DSCAM: variants seen among roughly 807,000 people sequenced by gnomAD.
DSCAM encodes DS cell adhesion molecule, also known as cell adhesion molecule DSCAM.
In DSCAM, 47 loss-of-function variants were observed where a neutral mutation model predicts 217.7. That is an observed-to-expected ratio of 0.22 (90% CI 0.17 to 0.28). DSCAM has a LOEUF of 0.28. Among genes scored for constraint, DSCAM ranks in the 10% least tolerant of loss-of-function variants. The pLI, the probability that DSCAM is intolerant of heterozygous loss-of-function variation, is 1.00. For synonymous variants in DSCAM, 1,056 were observed against 1,015.3 expected (o/e 1.04, Z -0.76); for missense variants, 2,080 against 2,618.3 (o/e 0.79, Z 4.49).
At chr21:40,631,517 C>A (rs926694895) in intron 3 of DSCAM, among the ~76,000 whole-genome samples, 2 of 152,186 alleles carry the variant, frequency 1.3e-5, no homozygotes, top group African/African-American at 4.8e-5. Flanking sequence ...ACTCAGAGCA[C>A]CCCTGCAACC....
intron 3 of DSCAM, among the ~76,000 whole-genome samples, chr21:40,548,792 T>C (rs1009930235): frequency 5.3e-5 from 8 of 152,218 alleles, no homozygotes; most frequent in African/African-American, 1.7e-4. Context: ...GGATATATAA[T>C]TGTCCGTTAG....
At position 40,133,977 on chromosome 21, in the gene DSCAM, G is replaced by T. The variant is rs779641098; in HGVS notation, c.3439C>A (p.Gln1147Lys). The change falls in exon 19 of 33, where the codon CAG becomes AAG. Residue 1147 changes from glutamine to lysine, a missense_variant. Physicochemically the swap from Gln to Lys is moderately conservative, Grantham distance 53. Coordinates refer to ENST00000400454, the MANE Select transcript of DSCAM (RefSeq NM_001389.5). ...LGEIKNITTT[Q>K]PSLELDGLEK... Reference sequence around the variant, plus strand: ...AGCCCGTCCAGCTCCAGTGAAGGCTGTGTGGTGGTGATGTTTTTAATCTCA... The same window carrying T: ...AGCCCGTCCAGCTCCAGTGAAGGCTTTGTGGTGGTGATGTTTTTAATCTCA... 2 of 1,612,486 alleles carry T rather than the reference G, an allele frequency of 1.2e-6. No homozygotes were observed. Among genetic ancestry groups the T allele is most frequent in the Non-Finnish European group, 1.7e-6 (2 of 1,179,410 alleles).
chr21:40,692,741 T>A, intron 3 of DSCAM, 69 bp downstream of exon 3: 1 of 1,540,164 alleles, frequency 6.5e-7, no homozygotes. Flanking sequence ...GGAGACCCGA[T>A]TCCATCTCTG....
chr21:40,757,506 CTTGCTTTAGTCACAG>C (rs1172552658), intron 1 of DSCAM, among the ~76,000 whole-genome samples: 2 of 152,186 alleles, frequency 1.3e-5, no homozygotes, highest in African/African-American at 4.8e-5. Flanking sequence ...GGCCATGCAA[CTTGCTTTAGTCACAG>C]GAATATTGCC....
At chr21:40,167,835 C>A (rs773515603) in intron 15 of DSCAM, among the ~76,000 whole-genome samples, 5 of 152,074 alleles carry the variant, frequency 3.3e-5, no homozygotes, top group African/African-American at 1.2e-4. Flanking sequence ...GGGAGGCCGA[C>A]GCGGGCAATC....
At position 40,420,573 on chromosome 21, in the gene DSCAM, A is replaced by C. The variant is rs140098030; in HGVS notation, c.509-51328T>G. ...TATGGGTTGAATTCTGTTTCCCCAA[A>C]ATTTGTATGTTCATGTCCTACCACC... On this transcript the variant is annotated intron_variant, in intron 3 of 32. Transcript: ENST00000400454. Among the ~76,000 whole-genome samples, 712 of 152,256 alleles carry C rather than the reference A, an allele frequency of 4.7e-3. 4 individuals carry two copies. Among genetic ancestry groups the C allele is most frequent in the African/African-American group, 0.016 (670 of 41,544 alleles).
chr21:40,180,815 G>A (rs1035310569), intron 14 of DSCAM, among the ~76,000 whole-genome samples: 1 of 151,960 alleles, frequency 6.6e-6, no homozygotes, highest in Admixed American at 6.6e-5. Context: ...GAGTGTCCAT[G>A]ACTGCAGTCC....
At chr21:40,044,005 A>G (rs1261097060) in intron 31 of DSCAM, 73 bp downstream of exon 31, 1 of 1,509,994 alleles carries the variant, frequency 6.6e-7, no homozygotes, top group Non-Finnish European at 9.1e-7. Flanking sequence ...CCCCTCCCCA[A>G]GGAGCCCATG....
chr21:40,255,711 C>A (rs1481858810), intron 11 of DSCAM, among the ~76,000 whole-genome samples: 2 of 152,206 alleles, frequency 1.3e-5, no homozygotes, highest in African/African-American at 2.4e-5. Context: ...GAAGGACTCA[C>A]CCCACACTTG....
intron 3 of DSCAM, among the ~76,000 whole-genome samples, chr21:40,444,703 A>G (rs1024736902): frequency 2.0e-5 from 3 of 152,250 alleles, no homozygotes; most frequent in Admixed American, 2.0e-4. Context: ...AGATGAGAAC[A>G]CTGAGGCCCA....
chr21:40,782,731 A>T (rs926868375), intron 1 of DSCAM, among the ~76,000 whole-genome samples: 1 of 151,654 alleles, frequency 6.6e-6, no homozygotes, highest in Non-Finnish European at 1.5e-5. Context: ...CCCTGTCTAA[A>T]AAATAAATAA....
chr21:40,129,380 C>A (rs1275303032), intron 19 of DSCAM, among the ~76,000 whole-genome samples: 1 of 152,184 alleles, frequency 6.6e-6, no homozygotes, highest in African/African-American at 2.4e-5. Flanking sequence ...AGTGTTCATT[C>A]TTTAAATGTT....
chr21:40,756,852 GCCATACAGT>G (rs982552793), intron 1 of DSCAM, among the ~76,000 whole-genome samples: 1 of 151,996 alleles, frequency 6.6e-6, no homozygotes, highest in Non-Finnish European at 1.5e-5. Flanking sequence ...TTGGTCAAAG[GCCATACAGT>G]TTGCACATCT....
chr21:40,379,981 G>T (rs2075003862), intron 3 of DSCAM, among the ~76,000 whole-genome samples: 3 of 152,096 alleles, frequency 2.0e-5, no homozygotes, highest in Admixed American at 6.5e-5. Flanking sequence ...CCATCACATG[G>T]GGCATGAGGA....
rs61375278 is a variant in DSCAM at position 40,458,063 on chromosome 21, T to C, written c.509-88818A>G. On this transcript the variant is annotated intron_variant, in intron 3 of 32. Coordinates refer to ENST00000400454, the MANE Select transcript of DSCAM (RefSeq NM_001389.5). ...AGAATTTTTTAAATAGGCAGAAGTA[T>C]GTCAATAGTGAGGGACTTCAATTCA... Among the ~76,000 whole-genome samples, 209 of 152,338 alleles carry C rather than the reference T, an allele frequency of 1.4e-3. 2 individuals carry two copies. Among genetic ancestry groups the C allele is most frequent in the African/African-American group, 4.6e-3 (193 of 41,586 alleles).
intron 3 of DSCAM, among the ~76,000 whole-genome samples, chr21:40,661,528 T>C (rs11909667): frequency 0.029 from 4,389 of 152,338 alleles, 171 homozygotes; most frequent in African/African-American, 0.089. Context: ...ACAACATCCC[T>C]ATTTGAAAGG....
intron 3 of DSCAM, among the ~76,000 whole-genome samples, chr21:40,586,003 C>A (rs1402675424): frequency 6.6e-6 from 1 of 152,142 alleles, no homozygotes; most frequent in Non-Finnish European, 1.5e-5. Flanking sequence ...ATTACAGGTG[C>A]CCACCACCAC....
chr21:40,461,615 CGCAGAACCTGT>C lies in DSCAM; in HGVS notation c.509-92381_509-92371del, dbSNP rs556707104. 2.0e-3 allele frequency among the ~76,000 whole-genome samples: 309 copies of C among 152,212 alleles called. 2 individuals carry two copies. Among genetic ancestry groups the C allele is most frequent in the African/African-American group, 6.8e-3 (282 of 41,538 alleles). The stretch of plus-strand genomic sequence containing the variant: ...CCACAAATACGTTTGCATCCCAATC[CGCAGAACCTGT>C]GAATGTGTAAGGTTTCATGGCAAAG... On this transcript the variant is annotated intron_variant, in intron 3 of 32. Coordinates refer to ENST00000400454, the MANE Select transcript of DSCAM (RefSeq NM_001389.5).
intron 3 of DSCAM, among the ~76,000 whole-genome samples, chr21:40,690,745 G>T (rs953847001): frequency 6.6e-6 from 1 of 152,138 alleles, no homozygotes; most frequent in Non-Finnish European, 1.5e-5. Context: ...TTGCAAAAAG[G>T]TGAAACAAGA....
Sources: allele counts gnomAD v4.1 joint callset (sites outside exome capture counted in the v4.1 genomes callset), GRCh38; gene constraint gnomAD v4.1.1; transcripts MANE v1.5; gene names NCBI Gene and HGNC (gene_info 2026-07-23, HGNC 2026-07-21).